The following FIG4 variants were observed in gnomAD, a reference collection of about 807,000 sequenced individuals.
FIG4 encodes the protein FIG4 phosphoinositide 5-phosphatase.
A neutral mutation model predicts 118.6 loss-of-function variants in FIG4; 112 were observed. The ratio of observed to expected loss-of-function variants is 0.94; its 90% CI spans 0.81 to 1.11. FIG4 has a LOEUF of 1.11. Ranked by LOEUF, FIG4 falls within the 50% of genes least tolerant of loss-of-function variation. The pLI, the probability that FIG4 is intolerant of heterozygous loss-of-function variation, is 0.00. For synonymous variants in FIG4, 369 were observed against 381.2 expected, an observed-to-expected ratio of 0.97 and a Z score of 0.37; for missense variants, 969 against 1,111.7, an observed-to-expected ratio of 0.87 and a Z score of 1.83.
intron 1 of FIG4, among the ~76,000 whole-genome samples, chr6:109,709,905 A>G (rs920863408): frequency 2.0e-5 from 3 of 152,206 alleles, no homozygotes; most frequent in African/African-American, 7.2e-5. Flanking sequence ...TTATCTGCAA[A>G]AAGGGATAGT....
intron 22 of FIG4, among the ~76,000 whole-genome samples, chr6:109,817,596 A>G (rs1778896186): frequency 6.6e-6 from 1 of 151,778 alleles, no homozygotes; most frequent in Non-Finnish European, 1.5e-5. Flanking sequence ...GTATAATTCT[A>G]CCATACCTGG....
intron 1 of FIG4, among the ~76,000 whole-genome samples, chr6:109,699,594 C>T (rs1774845376): frequency 1.3e-5 from 2 of 151,530 alleles, no homozygotes; most frequent in African/African-American, 4.9e-5. Context: ...CCTCTGCCTC[C>T]TGGGTTCAAG....
chr6:109,810,884 C>G lies in FIG4; in HGVS notation c.2546+14033C>G, dbSNP rs150626887. Among the ~76,000 whole-genome samples, 3 of 152,270 alleles carry G rather than the reference C, an allele frequency of 2.0e-5. No homozygotes were observed. The East Asian group carries it at 5.8e-4, about 29-fold the overall frequency. ...ATAGTTGTCCCAGTTCCCTCAGTATCAGAAAGAGTATGAGGCAGAGAACCA... is the reference window on the plus strand; with the variant it reads ...ATAGTTGTCCCAGTTCCCTCAGTATGAGAAAGAGTATGAGGCAGAGAACCA... On this transcript the variant is annotated intron_variant, in intron 22 of 22. Coordinates refer to ENST00000230124, the MANE Select transcript of FIG4 (RefSeq NM_014845.6).
In FIG4 at chr6:109,763,957, G is replaced by A. The variant is rs1777191168; in HGVS notation, c.1409G>A (p.Cys470Tyr). 1.2e-6 allele frequency: 2 copies of A among 1,610,492 alleles called. No individual in the cohort carries two copies. Among genetic ancestry groups the A allele is most frequent in the South Asian group, 1.1e-5 (1 of 91,006 alleles). ...PDEKWNELGGCVIPTGRLQTG... is the reference protein window; with the variant it reads ...PDEKWNELGGYVIPTGRLQTG... The stretch of plus-strand genomic sequence containing the variant: ...CACAGGTGGAATGAACTAGGAGGAT[G>A]TGTGATTCCCACTGGTCGCCTGCAG... The change falls in exon 13 of 23, where the codon TGT (cysteine) becomes TAT (tyrosine). Residue 470 changes from cysteine (C) to tyrosine (Y), a missense_variant. Coordinates refer to ENST00000230124, the MANE Select transcript of FIG4 (RefSeq NM_014845.6).
At chr6:109,751,811 CTTTTTTT>C (rs1032835598) in intron 10 of FIG4, among the ~76,000 whole-genome samples, 2 of 120,774 alleles carry the variant, frequency 1.7e-5, no homozygotes, top group Admixed American at 8.2e-5. Flanking sequence ...CTCTTTTTTT[CTTTTTTT>C]TTTAAGTATT....
rs1169639035 is a variant in FIG4, at chr6:109,691,399, C to G, written c.-37C>G. The stretch of plus-strand genomic sequence containing the variant: ...CGAGTCTCCTGGGGCGGTCCGGAGG[C>G]TCGTGCCCTGTTGTGGGGCCCCCAT... On this transcript the variant is annotated 5_prime_UTR_variant, in exon 1 of 23. Coordinates refer to ENST00000230124, the MANE Select transcript of FIG4 (RefSeq NM_014845.6). The G allele has an allele frequency of 1.3e-6, 2 of 1,547,260 alleles. No individual in the cohort carries two copies. The highest frequency in any genetic ancestry group is 1.8e-6 in the Non-Finnish European group (2 of 1,140,914).
chr6:109,755,632 G>T (rs1261740004), intron 10 of FIG4, among the ~76,000 whole-genome samples: 4 of 152,184 alleles, frequency 2.6e-5, no homozygotes, highest in Non-Finnish European at 5.9e-5. Context: ...TGTATTGGGT[G>T]CATATATATT....
intron 10 of FIG4, among the ~76,000 whole-genome samples, chr6:109,746,327 A>T (rs1776496493): frequency 2.0e-5 from 3 of 152,096 alleles, no homozygotes; most frequent in Admixed American, 2.0e-4. Flanking sequence ...GTTGTAGGAG[A>T]TGGTGAGGTA....
At chr6:109,759,141 A>T (rs1313517358) in intron 10 of FIG4, among the ~76,000 whole-genome samples, 1 of 152,220 alleles carries the variant, frequency 6.6e-6, no homozygotes, top group Non-Finnish European at 1.5e-5. Context: ...ATAAAGACAC[A>T]TGCACACATG....
Position 109,791,529 on chromosome 6 carries a change from C to G in FIG4, c.2334C>G (p.Pro778=), listed in dbSNP as rs1183428109. Residue 778 remains proline (P), a synonymous_variant, in exon 20 of 23, where the codon CCC becomes CCG. Coordinates refer to ENST00000230124, the MANE Select transcript of FIG4 (RefSeq NM_014845.6). ...EEGSVSQRST[P]VKMTDAGDSA... The stretch of plus-strand genomic sequence containing the variant: ...GCTCTGTGTCTCAGCGCTCCACTCC[C>G]GTGAAGATGACTGATGCAGGAGACA... 5 of 1,613,962 alleles carry G rather than the reference C, an allele frequency of 3.1e-6. No individual in the cohort carries two copies. The highest frequency in any genetic ancestry group is 3.3e-4 in the Middle Eastern group (2 of 6,056).
chr6:109,769,443 A>C (rs1562673528), intron 15 of FIG4, among the ~76,000 whole-genome samples: 1 of 152,174 alleles, frequency 6.6e-6, no homozygotes. Context: ...AGGCTTCTTT[A>C]TTTTAAGAAG....
At position 109,825,303 on chromosome 6, in the gene FIG4, G is replaced by A. The variant is rs751357000; in HGVS notation, c.*38G>A. ...TCCACCTGGTGGACACGTCTGATTA[G>A]CTTAGAACCTGTCTTGTCTCATCTT... On this transcript the variant is annotated 3_prime_UTR_variant, in exon 23 of 23. Coordinates refer to ENST00000230124, the MANE Select transcript of FIG4 (RefSeq NM_014845.6). 1.3e-6 allele frequency: 2 copies of A among 1,580,776 alleles called. No homozygotes were observed.
At chr6:109,736,051 G>C (rs1776151120) in intron 6 of FIG4, among the ~76,000 whole-genome samples, 1 of 152,056 alleles carries the variant, frequency 6.6e-6, no homozygotes, top group South Asian at 2.1e-4. Context: ...AAAGCTAGAG[G>C]CATTGCTAGT....
At chr6:109,705,015 A>G (rs533529799) in intron 1 of FIG4, among the ~76,000 whole-genome samples, 26 of 152,278 alleles carry the variant, frequency 1.7e-4, no homozygotes, top group African/African-American at 6.3e-4. Flanking sequence ...AAATGCAACA[A>G]AATGTTAACA....
chr6:109,702,832 T>A (rs1397370653), intron 1 of FIG4, among the ~76,000 whole-genome samples: 1 of 152,176 alleles, frequency 6.6e-6, no homozygotes, highest in Admixed American at 6.5e-5. Context: ...TTCCCCTAGA[T>A]GTAAAAATCT....
At chr6:109,701,503 A>G (rs911628240) in intron 1 of FIG4, among the ~76,000 whole-genome samples, 1 of 152,260 alleles carries the variant, frequency 6.6e-6, no homozygotes. Context: ...TGAACACATA[A>G]TAGTTGACGT....
chr6:109,815,646 G>A (rs1002097437), intron 22 of FIG4, among the ~76,000 whole-genome samples: 2 of 151,848 alleles, frequency 1.3e-5, no homozygotes, highest in African/African-American at 2.4e-5. Flanking sequence ...GAAGAGCACG[G>A]CTTTATGATC....
intron 4 of FIG4, 21 bp downstream of exon 4, chr6:109,727,286 C>CG: frequency 7.4e-7 from 1 of 1,348,000 alleles, no homozygotes; most frequent in Non-Finnish European, 1.0e-6. Flanking sequence ...TGGTAACTAC[C>CG]TTTTTTTTTT....
chr6:109,703,811 G>A (rs1273492041), intron 1 of FIG4, among the ~76,000 whole-genome samples: 1 of 152,166 alleles, frequency 6.6e-6, no homozygotes, highest in African/African-American at 2.4e-5. Flanking sequence ...TCCTTTCCCA[G>A]ATGATCTTTC....
Sources: gnomAD v4.1 joint callset for allele counts (sites outside exome capture counted in the v4.1 genomes callset) on GRCh38, gnomAD v4.1.1 for gene constraint, MANE v1.5 for transcripts, NCBI Gene and HGNC (gene_info 2026-07-23, HGNC 2026-07-21) for gene names.